Variants in ZNF423 observed in about 807,000 individuals in gnomAD.
ZNF423 encodes the protein zinc finger protein 423, also known as Ebf-associated zinc finger protein.
Under a neutral mutation model 95.8 loss-of-function variants are expected in ZNF423, and 12 were observed. That is an observed-to-expected ratio of 0.13 (90% confidence interval 0.08 to 0.20). ZNF423 has a LOEUF of 0.20. Ranked by LOEUF, ZNF423 falls within the 10% of genes least tolerant of loss-of-function variation. The pLI, the probability that ZNF423 is intolerant of heterozygous loss-of-function variation, is 1.00. For synonymous variants in ZNF423, 749 were observed against 711.9 expected (o/e 1.05, Z -0.83); for missense variants, 1,316 against 1,737.1 (o/e 0.76, Z 4.31).
At chr16:49,685,378 C>T (rs1252921055) in intron 3 of ZNF423, among the ~76,000 whole-genome samples, 2 of 152,198 alleles carry the variant, frequency 1.3e-5, no homozygotes, top group African/African-American at 4.8e-5. Context: ...TGCTCACATG[C>T]AGCATGGGGT....
chr16:49,754,046 G>T (rs1381346444), intron 2 of ZNF423, among the ~76,000 whole-genome samples: 2 of 145,266 alleles, frequency 1.4e-5, no homozygotes, highest in Admixed American at 6.9e-5. Flanking sequence ...AAAAAAAAAA[G>T]CCAGGCATTA....
chr16:49,595,455 G>C (rs1166130211), intron 5 of ZNF423, among the ~76,000 whole-genome samples: 1 of 152,174 alleles, frequency 6.6e-6, no homozygotes, highest in Non-Finnish European at 1.5e-5. Context: ...CCACAGACCA[G>C]CTTAGCCTGA....
intron 5 of ZNF423, among the ~76,000 whole-genome samples, chr16:49,620,860 G>A (rs1241049237): frequency 1.3e-5 from 2 of 152,194 alleles, no homozygotes; most frequent in Non-Finnish European, 2.9e-5. Flanking sequence ...TCCAGACTCA[G>A]GCCCTGCCCC....
At chr16:49,698,943 T>C (rs1346762408) in intron 3 of ZNF423, among the ~76,000 whole-genome samples, 1 of 152,236 alleles carries the variant, frequency 6.6e-6, no homozygotes, top group Non-Finnish European at 1.5e-5. Context: ...TCCAGTAATT[T>C]TCTGTTATAT....
intron 5 of ZNF423, among the ~76,000 whole-genome samples, chr16:49,572,252 C>G (rs1970376062): frequency 6.6e-6 from 1 of 152,130 alleles, no homozygotes; most frequent in African/African-American, 2.4e-5. Context: ...ATTCCCTCGG[C>G]AGAGGGAACG....
chr16:49,646,154 G>A (rs540888846), intron 3 of ZNF423, among the ~76,000 whole-genome samples: 5 of 152,332 alleles, frequency 3.3e-5, no homozygotes, highest in Admixed American at 6.5e-5. Flanking sequence ...CCGGACAACC[G>A]AGGAGAGCCA....
chr16:49,562,659 G>A (rs1005529432), intron 5 of ZNF423, among the ~76,000 whole-genome samples: 4 of 152,318 alleles, frequency 2.6e-5, no homozygotes, highest in South Asian at 4.1e-4. Flanking sequence ...ATTCATGAAC[G>A]GATTCTAGAA....
chr16:49,707,761 A>G (rs1352320127), intron 3 of ZNF423, among the ~76,000 whole-genome samples: 1 of 152,182 alleles, frequency 6.6e-6, no homozygotes, highest in African/African-American at 2.4e-5. Flanking sequence ...AAAAAATACT[A>G]GTGCCCTAAG....
At chr16:49,837,285 G>T (rs574167902) in intron 1 of ZNF423, among the ~76,000 whole-genome samples, 3 of 152,214 alleles carry the variant, frequency 2.0e-5, no homozygotes, top group African/African-American at 7.2e-5. Flanking sequence ...GCTACACGTG[G>T]CTGTGTGAGC....
chr16:49,636,273 A>G lies in ZNF423; in HGVS notation c.2903T>C (p.Met968Thr), dbSNP rs1972697806. 6.2e-7 allele frequency: 1 copy of G among 1,612,974 alleles called. No homozygotes were observed. Among genetic ancestry groups the G allele is most frequent in the African/African-American group, 1.3e-5 (1 of 75,054 alleles). ...QTHRGPAKHY[M>T]CPICGERFPS... is the part of the protein sequence containing the mutation. ...GAAGCGCTCACCACAGATGGGACAC[A>G]TGTAGTGCTTGGCAGGGCCCCGGTG... is the stretch of plus-strand genomic sequence containing the variant. Residue 968 changes from methionine to threonine, a missense_variant, in exon 4 of 8, where the codon ATG becomes ACG. Met to Thr is a moderately conservative substitution (Grantham distance 81, BLOSUM62 -1). Coordinates refer to ENST00000563137, the MANE Select transcript of ZNF423 (RefSeq NM_001379286.1). This position sits in a 1 kb window ranked among gnomAD's most constrained non-coding sequence, Gnocchi z 8.6.
chr16:49,773,339 A>T (rs762192962), intron 2 of ZNF423, among the ~76,000 whole-genome samples: 31 of 152,036 alleles, frequency 2.0e-4, no homozygotes, highest in Non-Finnish European at 3.7e-4. Flanking sequence ...AACAAAAAGC[A>T]AACAAAAAAA....
At chr16:49,725,713 G>A (rs1025931132) in intron 3 of ZNF423, among the ~76,000 whole-genome samples, 11 of 152,292 alleles carry the variant, frequency 7.2e-5, no homozygotes, top group South Asian at 2.1e-4. Flanking sequence ...AGTGCCTCGC[G>A]GGCAGTAGGC....
intron 5 of ZNF423, among the ~76,000 whole-genome samples, chr16:49,597,698 C>T (rs1003175811): frequency 6.6e-6 from 1 of 151,968 alleles, no homozygotes; most frequent in African/African-American, 2.4e-5. Flanking sequence ...ATGGGAGGCC[C>T]CCAACATTAT....
At chr16:49,730,504 A>G (rs997174259) in intron 3 of ZNF423, 1 of 522,464 alleles carries the variant, frequency 1.9e-6, no homozygotes, top group Non-Finnish European at 3.4e-6. Context: ...CCACCCATTC[A>G]TGGCCTGAGT....
intron 2 of ZNF423, among the ~76,000 whole-genome samples, chr16:49,774,036 C>T (rs538298621): frequency 1.4e-3 from 210 of 152,332 alleles, no homozygotes; most frequent in African/African-American, 4.9e-3. Context: ...ACAGTCAGCT[C>T]CCAAAGCGAA....
At chr16:49,599,084 CAT>C (rs1971274618) in intron 5 of ZNF423, among the ~76,000 whole-genome samples, 1 of 152,206 alleles carries the variant, frequency 6.6e-6, no homozygotes, top group African/African-American at 2.4e-5. Context: ...TAACTGTACA[CAT>C]GTGTGTGCAC....
intron 2 of ZNF423, among the ~76,000 whole-genome samples, chr16:49,768,214 G>GT (rs1450061848): frequency 6.6e-6 from 1 of 152,204 alleles, no homozygotes; most frequent in East Asian, 1.9e-4. Context: ...CCAGCCATGG[G>GT]TACGTCCCTG....
intron 3 of ZNF423, among the ~76,000 whole-genome samples, chr16:49,655,878 T>A (rs1311809630): frequency 6.6e-6 from 1 of 152,130 alleles, no homozygotes; most frequent in African/African-American, 2.4e-5. Flanking sequence ...ACGCAGTCAT[T>A]CCCTTGCAGA....
chr16:49,520,055 C>T (rs559221839), intron 7 of ZNF423, among the ~76,000 whole-genome samples: 47 of 152,324 alleles, frequency 3.1e-4, no homozygotes, highest in African/African-American at 9.9e-4. Flanking sequence ...CCAGCATGCT[C>T]TAGCCCATTA....
Sources: allele counts gnomAD v4.1 joint callset (sites outside exome capture counted in the v4.1 genomes callset), GRCh38; gene constraint gnomAD v4.1.1; non-coding constraint Gnocchi (gnomAD v3.1); transcripts MANE v1.5; gene names NCBI Gene and HGNC (gene_info 2026-07-23, HGNC 2026-07-21).